FOXP2: variants seen among roughly 807,000 people sequenced by gnomAD.
FOXP2 encodes forkhead box protein P2.
A neutral mutation model predicts 115.8 loss-of-function variants in FOXP2; 12 were observed. The observed-to-expected ratio is 0.10, with a 90% CI of 0.07 to 0.17. FOXP2 has a LOEUF of 0.17. Among genes scored for constraint, FOXP2 ranks in the 10% least tolerant of loss-of-function variants. The pLI is 1.00. For synonymous variants in FOXP2, 328 were observed against 297.7 expected (o/e 1.10, Z -1.05); for missense variants, 629 against 843.5 (o/e 0.75, Z 3.15).
chr7:114,272,255 A>C (rs896157655), intron 1 of FOXP2, among the ~76,000 whole-genome samples: 2 of 150,974 alleles, frequency 1.3e-5, no homozygotes, highest in Admixed American at 1.3e-4. Context: ...ATGGTATATA[A>C]TTTTTACACA....
At chr7:114,275,393 G>A (rs771830674) in intron 1 of FOXP2, among the ~76,000 whole-genome samples, 26 of 152,252 alleles carry the variant, frequency 1.7e-4, no homozygotes, top group South Asian at 1.2e-3. Context: ...GGTGTTTACT[G>A]AGATATCCTC....
chr7:114,352,320 A>G (rs1174520209), intron 2 of FOXP2, among the ~76,000 whole-genome samples: 1 of 152,084 alleles, frequency 6.6e-6, no homozygotes, highest in African/African-American at 2.4e-5. Context: ...GTTGAGTCAG[A>G]AAGGTTATAT....
At position 114,417,836 on chromosome 7, in the gene FOXP2, G is replaced by T. The variant is rs1446400759; in HGVS notation, c.-11+2476G>T. Among the ~76,000 whole-genome samples the T allele has an allele frequency of 3.3e-5, 5 of 151,828 alleles. 1 individual carries two copies. The highest frequency in any genetic ancestry group is 7.4e-5 in the Non-Finnish European group (5 of 67,900). On this transcript the variant is annotated intron_variant, in intron 1 of 16. Coordinates refer to ENST00000350908, the MANE Select transcript of FOXP2 (RefSeq NM_014491.4). ...ATTCTTTAGAAACTGACAAATGCATGCATTTTTGGTATTTTCTTATAGCAT... is the reference window on the plus strand; with the variant it reads ...ATTCTTTAGAAACTGACAAATGCATTCATTTTTGGTATTTTCTTATAGCAT...
intron 2 of FOXP2, among the ~76,000 whole-genome samples, chr7:114,432,048 T>A (rs569026567): frequency 3.9e-5 from 6 of 152,056 alleles, no homozygotes; most frequent in East Asian, 3.9e-4. Flanking sequence ...TGAATTACAA[T>A]CTTTGCCTTC....
intron 1 of FOXP2, among the ~76,000 whole-genome samples, chr7:114,179,515 C>T (rs985009503): frequency 3.3e-5 from 5 of 151,878 alleles, no homozygotes; most frequent in Non-Finnish European, 5.9e-5. Flanking sequence ...TGCTGGCATG[C>T]GGTCTGCCCT....
At chr7:114,380,478 T>C (rs1478695515) in intron 2 of FOXP2, among the ~76,000 whole-genome samples, 1 of 152,184 alleles carries the variant, frequency 6.6e-6, no homozygotes, top group East Asian at 1.9e-4. Flanking sequence ...GGAACTTCCA[T>C]TAGTATACAA....
intron 2 of FOXP2, among the ~76,000 whole-genome samples, chr7:114,308,291 C>T (rs1045524380): frequency 2.6e-5 from 4 of 152,062 alleles, no homozygotes; most frequent in Non-Finnish European, 4.4e-5. Context: ...ACCAATTAGT[C>T]ATTATACTAA....
Position 114,658,233 on chromosome 7 carries a change from A to G in FOXP2, c.1434A>G (p.Arg478=), listed in dbSNP as rs201343293. 3 of 1,613,724 alleles carry G rather than the reference A, an allele frequency of 1.9e-6. No individual in the cohort carries two copies. Among genetic ancestry groups the G allele is most frequent in the Non-Finnish European group, 8.5e-7 (1 of 1,179,856 alleles). ...SVPNVGAIRR[R]HSDKYNIPMS... ...CCAATGTGGGAGCCATACGAAGGCG[A>G]CATTCAGACAAATACAACATTCCCA... The change falls in exon 11 of 17, where the codon CGA becomes CGG. Residue 478 remains arginine, a synonymous_variant. Coordinates refer to ENST00000350908, the MANE Select transcript of FOXP2 (RefSeq NM_014491.4).
At chr7:114,102,265 A>G (rs1331308917) in intron 1 of FOXP2, among the ~76,000 whole-genome samples, 1 of 151,860 alleles carries the variant, frequency 6.6e-6, no homozygotes, top group Admixed American at 6.6e-5. Context: ...TCATTATTTT[A>G]CTTTAGTAAT....
At chr7:114,373,681 T>C (rs1388973792) in intron 2 of FOXP2, among the ~76,000 whole-genome samples, 1 of 152,218 alleles carries the variant, frequency 6.6e-6, no homozygotes, top group Non-Finnish European at 1.5e-5. Context: ...GATACCCAAT[T>C]TGTCAGAATA....
chr7:114,106,900 T>C (rs1371194149), intron 1 of FOXP2, among the ~76,000 whole-genome samples: 1 of 152,056 alleles, frequency 6.6e-6, no homozygotes, highest in Non-Finnish European at 1.5e-5. Flanking sequence ...CGTATGTTTT[T>C]AAGTTAATAA....
At chr7:114,445,764 T>C (rs1218405197) in intron 2 of FOXP2, among the ~76,000 whole-genome samples, 1 of 152,142 alleles carries the variant, frequency 6.6e-6, no homozygotes, top group Non-Finnish European at 1.5e-5. Context: ...AATAGTATAA[T>C]CCTATTCTTC....
At chr7:114,144,231 A>G (rs561471360) in intron 1 of FOXP2, among the ~76,000 whole-genome samples, 1 of 152,292 alleles carries the variant, frequency 6.6e-6, no homozygotes, top group Non-Finnish European at 1.5e-5. Flanking sequence ...ATTGTAGGTC[A>G]AGGAGTATCT....
chr7:114,361,401 A>G (rs1273874539), intron 2 of FOXP2, among the ~76,000 whole-genome samples: 1 of 152,092 alleles, frequency 6.6e-6, no homozygotes, highest in Non-Finnish European at 1.5e-5. Context: ...GGTAGTTGCC[A>G]TATTAAATTA....
intron 2 of FOXP2, among the ~76,000 whole-genome samples, chr7:114,401,949 C>T (rs567634374): frequency 5.3e-5 from 8 of 152,018 alleles, no homozygotes; most frequent in African/African-American, 1.4e-4. Flanking sequence ...TGGTGAAATC[C>T]CATCTCTTCT....
chr7:114,236,944 C>G (rs1367524376), intron 1 of FOXP2, among the ~76,000 whole-genome samples: 1 of 152,016 alleles, frequency 6.6e-6, no homozygotes, highest in East Asian at 1.9e-4. Context: ...GCAACTGACT[C>G]CATCCTAGGT....
At chr7:114,247,855 G>C (rs995032192) in intron 1 of FOXP2, among the ~76,000 whole-genome samples, 3 of 151,872 alleles carry the variant, frequency 2.0e-5, no homozygotes, top group African/African-American at 7.3e-5. Flanking sequence ...TATATTAGTC[G>C]GGGTTCTCCA....
At chr7:114,609,173 A>G in intron 3 of FOXP2, among the ~76,000 whole-genome samples, 1 of 151,670 alleles carries the variant, frequency 6.6e-6, no homozygotes, top group East Asian at 1.9e-4. Context: ...AGATTGCGCC[A>G]CTGCACTCCA....
chr7:114,570,204 G>A (rs541771678), intron 3 of FOXP2, among the ~76,000 whole-genome samples: 5 of 151,928 alleles, frequency 3.3e-5, no homozygotes, highest in African/African-American at 9.6e-5. Flanking sequence ...CAATGCAAAT[G>A]GTACAATTCA....
Sources: allele counts gnomAD v4.1 joint callset (sites outside exome capture counted in the v4.1 genomes callset), GRCh38; gene constraint gnomAD v4.1.1; transcripts MANE v1.5; gene names NCBI Gene and HGNC (gene_info 2026-07-23, HGNC 2026-07-21).